Variants in ARHGAP26 observed in about 807,000 individuals in gnomAD.
ARHGAP26 encodes Rho GTPase activating protein 26.
Under a neutral mutation model 104.8 loss-of-function variants are expected in ARHGAP26, and 38 were observed. That is an observed-to-expected ratio of 0.36 (90% confidence interval 0.28 to 0.48). The LOEUF (loss-of-function observed/expected upper bound fraction) is 0.48, where lower values mean the gene tolerates loss of function less well. Among genes scored for constraint, ARHGAP26 ranks in the 20% least tolerant of loss-of-function variants. The pLI, the probability that ARHGAP26 is intolerant of heterozygous loss-of-function variation, is 0.99. For synonymous variants in ARHGAP26, 341 were observed against 340.0 expected (o/e 1.00, Z -0.03); for missense variants, 704 against 947.9 (o/e 0.74, Z 3.38).
At chr5:143,200,676 T>G (rs1224994739) in intron 20 of ARHGAP26, among the ~76,000 whole-genome samples, 1 of 152,214 alleles carries the variant, frequency 6.6e-6, no homozygotes, top group East Asian at 1.9e-4. Context: ...TGTATTTCTT[T>G]TCTTCTTGGT....
rs79712739 is a variant in ARHGAP26, at chr5:142,813,935, G to A, written c.154+43020G>A. ...TCCTCAGGTGGGCCTCTGAGGGCCAGCAGGGAAGACAAGGTCAGCCAGCTT... is the reference window on the plus strand; with the variant it reads ...TCCTCAGGTGGGCCTCTGAGGGCCAACAGGGAAGACAAGGTCAGCCAGCTT... On this transcript the variant is annotated intron_variant, in intron 1 of 22. Coordinates refer to ENST00000645722, the MANE Select transcript of ARHGAP26 (RefSeq NM_001135608.3). 5.6e-3 allele frequency among the ~76,000 whole-genome samples: 851 copies of A among 152,342 alleles called. 17 individuals are homozygous for A. In the East Asian group the frequency reaches 0.064, roughly 11 times the overall value.
intron 11 of ARHGAP26, among the ~76,000 whole-genome samples, chr5:142,936,512 C>A (rs1025308260): frequency 6.6e-6 from 1 of 152,102 alleles, no homozygotes; most frequent in African/African-American, 2.4e-5. Flanking sequence ...CTTATAGATA[C>A]AGACAAGCTT....
intron 9 of ARHGAP26, among the ~76,000 whole-genome samples, chr5:142,908,165 A>G (rs1268257723): frequency 6.6e-6 from 1 of 152,252 alleles, no homozygotes; most frequent in African/African-American, 2.4e-5. Context: ...GAGAGCTGCC[A>G]GTGGCAACAT....
intron 1 of ARHGAP26, among the ~76,000 whole-genome samples, chr5:142,856,322 C>T (rs1229174723): frequency 6.6e-6 from 1 of 152,172 alleles, no homozygotes; most frequent in Non-Finnish European, 1.5e-5. Flanking sequence ...TGGGAGAGGC[C>T]TTTCGGGCCA....
chr5:143,096,728 A>G (rs1361065054), intron 17 of ARHGAP26, among the ~76,000 whole-genome samples: 1 of 152,064 alleles, frequency 6.6e-6, no homozygotes, highest in Non-Finnish European at 1.5e-5. Context: ...TGAAGAATAC[A>G]ATGACTATTG....
At chr5:142,947,277 G>A (rs934363430) in intron 11 of ARHGAP26, among the ~76,000 whole-genome samples, 41 of 152,176 alleles carry the variant, frequency 2.7e-4, no homozygotes, top group African/African-American at 9.6e-4. Context: ...AACATTCTTG[G>A]GGTAAATTGA....
chr5:142,968,878 G>A lies in ARHGAP26; in HGVS notation c.1107+36753G>A, dbSNP rs1180432090. Among the ~76,000 whole-genome samples the A allele has an allele frequency of 2.0e-5, 3 of 152,182 alleles. No individual in the cohort carries two copies. The South Asian group carries it at 6.2e-4, about 32-fold the overall frequency. ...AACAAATATTTGTTTAATGAATTGT[G>A]TTGATTCCATTATCTTATGCCACAA... On this transcript the variant is annotated intron_variant, in intron 11 of 22. Coordinates refer to ENST00000645722, the MANE Select transcript of ARHGAP26 (RefSeq NM_001135608.3).
intron 20 of ARHGAP26, among the ~76,000 whole-genome samples, chr5:143,195,237 G>A (rs1205759192): frequency 6.6e-6 from 1 of 152,164 alleles, no homozygotes; most frequent in Admixed American, 6.5e-5. Flanking sequence ...CCTTGCAGAA[G>A]TGCTGCTTCT....
At chr5:142,820,450 A>C (rs982491124) in intron 1 of ARHGAP26, among the ~76,000 whole-genome samples, 1 of 151,774 alleles carries the variant, frequency 6.6e-6, no homozygotes, top group Non-Finnish European at 1.5e-5. Flanking sequence ...AAAAAACAAA[A>C]AAACAAACAA....
chr5:142,807,070 T>C (rs1426782319), intron 1 of ARHGAP26, among the ~76,000 whole-genome samples: 1 of 152,208 alleles, frequency 6.6e-6, no homozygotes, highest in Non-Finnish European at 1.5e-5. Context: ...ACAGTACACA[T>C]AGCCACATTC....
At position 143,052,489 on chromosome 5, in the gene ARHGAP26, A is replaced by T. The variant is rs1785184779; in HGVS notation, c.1286-1950A>T. Among the ~76,000 whole-genome samples, 4 of 152,204 alleles carry T rather than the reference A, an allele frequency of 2.6e-5. No individual in the cohort carries two copies. In the South Asian group the frequency reaches 8.3e-4, roughly 32 times the overall value. ...GTCTGAAAAAAAAAAAGAAAAAAAA[A>T]TTATGCTCTTTAGGTTTTTCCTTGT... On this transcript the variant is annotated intron_variant, in intron 14 of 22. Transcript: ENST00000645722.
At chr5:143,172,720 G>A (rs968557935) in intron 20 of ARHGAP26, among the ~76,000 whole-genome samples, 2 of 152,208 alleles carry the variant, frequency 1.3e-5, no homozygotes, top group African/African-American at 4.8e-5. Context: ...CCTGGAGAAA[G>A]CATGTTTGCT....
At chr5:143,162,284 T>TACACACACACACACACACACACAC (rs34577770) in intron 20 of ARHGAP26, among the ~76,000 whole-genome samples, 1 of 147,330 alleles carries the variant, frequency 6.8e-6, no homozygotes, top group African/African-American at 2.5e-5. Context: ...AACACACACA[T>TACACACACACACACACACACACAC]ACACACACAC....
At chr5:143,090,630 G>A (rs1791277720) in intron 17 of ARHGAP26, among the ~76,000 whole-genome samples, 2 of 152,174 alleles carry the variant, frequency 1.3e-5, no homozygotes, top group African/African-American at 4.8e-5. Context: ...TAGAAAAGGG[G>A]GAGAACTTGA....
At chr5:142,978,926 A>G (rs565808211) in intron 11 of ARHGAP26, among the ~76,000 whole-genome samples, 2 of 152,222 alleles carry the variant, frequency 1.3e-5, no homozygotes, top group Non-Finnish European at 2.9e-5. Flanking sequence ...GCTGATTCAT[A>G]TCCTCTGATA....
chr5:143,116,792 A>G (rs1179601648), intron 17 of ARHGAP26, among the ~76,000 whole-genome samples: 1 of 152,196 alleles, frequency 6.6e-6, no homozygotes, highest in South Asian at 2.1e-4. Context: ...GGCCATTTTC[A>G]TGGAACATGC....
At chr5:142,967,159 ATG>A (rs1378772596) in intron 11 of ARHGAP26, among the ~76,000 whole-genome samples, 1 of 152,178 alleles carries the variant, frequency 6.6e-6, no homozygotes, top group East Asian at 1.9e-4. Context: ...TAGTGCTGTA[ATG>A]TTTTTATTGG....
At chr5:142,906,250 C>G (rs1204379805) in intron 8 of ARHGAP26, among the ~76,000 whole-genome samples, 2 of 152,210 alleles carry the variant, frequency 1.3e-5, no homozygotes, top group Non-Finnish European at 2.9e-5. Context: ...CTCCACTATA[C>G]AGTCACTATT....
At position 142,871,497 on chromosome 5, in the gene ARHGAP26, G is replaced by A. The variant is rs1755300473; in HGVS notation, c.155-1903G>A. 6.6e-6 allele frequency among the ~76,000 whole-genome samples: 1 copy of A among 152,224 alleles called. No homozygotes were observed. Among genetic ancestry groups the A allele is most frequent in the South Asian group, 2.1e-4 (1 of 4,834 alleles). The stretch of plus-strand genomic sequence containing the variant: ...AAGGCAAACCTGTGTTACTCTTAGT[G>A]CAGACTTTGTGCGTTCTCATCAGGG... On this transcript the variant is annotated intron_variant, in intron 1 of 22. Coordinates refer to ENST00000645722, the MANE Select transcript of ARHGAP26 (RefSeq NM_001135608.3). This position sits in a 1 kb window ranked among gnomAD's most constrained non-coding sequence, Gnocchi z 4.1.
Sources: allele counts gnomAD v4.1 joint callset (sites outside exome capture counted in the v4.1 genomes callset), GRCh38; gene constraint gnomAD v4.1.1; non-coding constraint Gnocchi (gnomAD v3.1); transcripts MANE v1.5; gene names NCBI Gene and HGNC (gene_info 2026-07-23, HGNC 2026-07-21).